MACROD2: variants seen among roughly 807,000 people sequenced by gnomAD.
MACROD2 encodes the protein mono-ADP ribosylhydrolase 2, also known as ADP-ribose glycohydrolase MACROD2.
MACROD2 carries 36 observed loss-of-function variants against 70.4 expected under a neutral mutation model. The ratio of observed to expected loss-of-function variants is 0.51; its 90% CI spans 0.39 to 0.68. The LOEUF (loss-of-function observed/expected upper bound fraction) is 0.68. MACROD2 is among the 30% of genes least tolerant of loss of function. The pLI is 0.00. For missense variants in MACROD2, 496 were observed against 538.4 expected (o/e 0.92, Z 0.78); for synonymous variants, 172 against 178.8 (o/e 0.96, Z 0.30).
intron 15 of MACROD2, among the ~76,000 whole-genome samples, chr20:16,023,473 C>CAAA (rs60347463): frequency 1.9e-3 from 132 of 70,640 alleles, no homozygotes; most frequent in South Asian, 8.5e-3. Flanking sequence ...GACTCCATCT[C>CAAA]AAAAAAAAAA....
At chr20:15,365,607 G>A (rs1239459686) in intron 6 of MACROD2, among the ~76,000 whole-genome samples, 2 of 151,672 alleles carry the variant, frequency 1.3e-5, no homozygotes, top group African/African-American at 4.8e-5. Flanking sequence ...GTTGCAGTGA[G>A]CCGAGATCGC....
At chr20:15,745,491 C>G (rs1185292993) in intron 8 of MACROD2, among the ~76,000 whole-genome samples, 2 of 152,100 alleles carry the variant, frequency 1.3e-5, no homozygotes, top group Non-Finnish European at 2.9e-5. Flanking sequence ...GGCAAGAATT[C>G]TCTCTATAGC....
At chr20:15,916,300 G>C (rs1601125063) in intron 10 of MACROD2, among the ~76,000 whole-genome samples, 1 of 152,316 alleles carries the variant, frequency 6.6e-6, no homozygotes, top group East Asian at 1.9e-4. Flanking sequence ...CTCATGAGAT[G>C]GCAGCTGGCT....
chr20:15,691,280 C>G (rs2050295931), intron 8 of MACROD2, among the ~76,000 whole-genome samples: 1 of 152,198 alleles, frequency 6.6e-6, no homozygotes, highest in Admixed American at 6.5e-5. Flanking sequence ...ATCTGCTGAA[C>G]AGGATGCTAT....
chr20:14,294,255 C>T (rs2082409634), intron 3 of MACROD2, among the ~76,000 whole-genome samples: 1 of 149,608 alleles, frequency 6.7e-6, no homozygotes, highest in Admixed American at 6.7e-5. Context: ...TGTGTTCATG[C>T]ATGTGTGTAT....
chr20:14,049,710 G>A lies in MACROD2; in HGVS notation c.164-35911G>A, dbSNP rs575459419. ...AGAGGTTACAGTGAGCCGAGACTGT[G>A]CCATTATTGTACTCCAGCCTGGGTG... is the stretch of plus-strand genomic sequence containing the variant. On this transcript the variant is annotated intron_variant, in intron 2 of 17. Coordinates refer to ENST00000684519, the MANE Select transcript of MACROD2 (RefSeq NM_001351661.2). Among the ~76,000 whole-genome samples, 4 of 151,836 alleles carry A rather than the reference G, an allele frequency of 2.6e-5. No individual in the cohort carries two copies. The South Asian group carries it at 6.3e-4, about 24-fold the overall frequency.
chr20:14,265,143 GGTCCA>G (rs2082133495), intron 3 of MACROD2, among the ~76,000 whole-genome samples: 1 of 152,116 alleles, frequency 6.6e-6, no homozygotes. Context: ...ATAACCTTAG[GGTCCA>G]GTTTTTAGAA....
chr20:14,360,666 C>A (rs1310916571), intron 3 of MACROD2, among the ~76,000 whole-genome samples: 2 of 152,174 alleles, frequency 1.3e-5, no homozygotes, highest in Non-Finnish European at 2.9e-5. Flanking sequence ...GTTATCAAAT[C>A]CTGTTGCAAG....
chr20:14,211,567 G>A (rs1177363132), intron 3 of MACROD2, among the ~76,000 whole-genome samples: 1 of 152,146 alleles, frequency 6.6e-6, no homozygotes, highest in Non-Finnish European at 1.5e-5. Context: ...ATGTGTCCAG[G>A]AGTCTGATAG....
chr20:16,017,080 G>A (rs955292515), intron 15 of MACROD2, among the ~76,000 whole-genome samples: 2 of 152,170 alleles, frequency 1.3e-5, no homozygotes, highest in East Asian at 1.9e-4. Context: ...CACAGCTGGA[G>A]CAAGCCTTTT....
rs551924020 is a variant in MACROD2 at position 15,816,985 on chromosome 20, A to C, written c.646-45760A>C. 2.0e-5 allele frequency among the ~76,000 whole-genome samples: 3 copies of C among 152,366 alleles called. No homozygotes were observed. The East Asian group carries it at 5.8e-4, about 29-fold the overall frequency. On this transcript the variant is annotated intron_variant, in intron 8 of 17. Coordinates refer to ENST00000684519, the MANE Select transcript of MACROD2 (RefSeq NM_001351661.2). Reference sequence around the variant, plus strand: ...AATACCTACTTGTCCACGCACAAAAAAAAACGATGCTCGTTACCTGATCTC... The same window carrying C: ...AATACCTACTTGTCCACGCACAAAACAAAACGATGCTCGTTACCTGATCTC...
rs566633156 is a variant in MACROD2 at position 15,093,756 on chromosome 20, C to A, written c.419-136184C>A. On this transcript the variant is annotated intron_variant, in intron 5 of 17. Coordinates refer to ENST00000684519, the MANE Select transcript of MACROD2 (RefSeq NM_001351661.2). ...AGAGGGATATAGGATACAATTATTTCTGCATCTTATTTGCCCACAGAACCC... is the reference window on the plus strand; with the variant it reads ...AGAGGGATATAGGATACAATTATTTATGCATCTTATTTGCCCACAGAACCC... 2.6e-5 allele frequency among the ~76,000 whole-genome samples: 4 copies of A among 152,234 alleles called. No individual in the cohort carries two copies. In the South Asian group the frequency reaches 8.3e-4, roughly 32 times the overall value.
At chr20:14,658,535 CCAGT>C (rs1986081614) in intron 4 of MACROD2, among the ~76,000 whole-genome samples, 1 of 152,274 alleles carries the variant, frequency 6.6e-6, no homozygotes, top group East Asian at 1.9e-4. Context: ...CAATCTAAAC[CCAGT>C]ACTATTTATT....
chr20:14,167,480 T>C (rs1373284767), intron 3 of MACROD2, among the ~76,000 whole-genome samples: 1 of 151,912 alleles, frequency 6.6e-6, no homozygotes, highest in African/African-American at 2.4e-5. Context: ...GCCTCCTGGG[T>C]TCAAATGATT....
At chr20:14,924,369 G>A (rs989235000) in intron 5 of MACROD2, among the ~76,000 whole-genome samples, 1 of 152,018 alleles carries the variant, frequency 6.6e-6, no homozygotes, top group Non-Finnish European at 1.5e-5. Context: ...AACCTGGAAG[G>A]TGGAGGTTGC....
intron 8 of MACROD2, among the ~76,000 whole-genome samples, chr20:15,730,239 A>G (rs997363623): frequency 6.6e-6 from 1 of 152,166 alleles, no homozygotes; most frequent in Non-Finnish European, 1.5e-5. Flanking sequence ...TCCTGACATC[A>G]TGTTGTTAGC....
chr20:15,864,504 A>G (rs898562523), intron 9 of MACROD2, among the ~76,000 whole-genome samples: 1 of 152,158 alleles, frequency 6.6e-6, no homozygotes, highest in African/African-American at 2.4e-5. Context: ...AGGAAGCCAT[A>G]CTAACATAAG....
rs537672741 is a variant in MACROD2 at position 14,133,744 on chromosome 20, A to G, written c.271+48016A>G. Among the ~76,000 whole-genome samples the G allele has an allele frequency of 5.3e-5, 8 of 152,332 alleles. No individual in the cohort carries two copies. The South Asian group carries it at 1.7e-3, about 32-fold the overall frequency. ...TTTCTTTCATATATCTGTATTTTGCATACTGTGGTGCTACTCAGATATCCC... is the reference window on the plus strand; with the variant it reads ...TTTCTTTCATATATCTGTATTTTGCGTACTGTGGTGCTACTCAGATATCCC... On this transcript the variant is annotated intron_variant, in intron 3 of 17. Transcript: ENST00000684519.
intron 8 of MACROD2, among the ~76,000 whole-genome samples, chr20:15,519,700 C>T (rs2047624398): frequency 6.6e-6 from 1 of 152,096 alleles, no homozygotes; most frequent in South Asian, 2.1e-4. Context: ...GAGTAAAGTG[C>T]GAAGTGACCT....
Sources: gnomAD v4.1 joint callset for allele counts (sites outside exome capture counted in the v4.1 genomes callset) on GRCh38, gnomAD v4.1.1 for gene constraint, MANE v1.5 for transcripts, NCBI Gene and HGNC (gene_info 2026-07-23, HGNC 2026-07-21) for gene names.